The following NADK2 variants were observed in gnomAD, a reference collection of about 807,000 sequenced individuals.
The protein encoded by NADK2 is NAD kinase 2, mitochondrial, also known as NAD kinase domain-containing protein 1, mitochondrial.
NADK2 carries 35 observed loss-of-function variants against 62.1 expected under a neutral mutation model. The ratio of observed to expected loss-of-function variants is 0.56; its 90% CI spans 0.43 to 0.75. The LOEUF (loss-of-function observed/expected upper bound fraction) is 0.75. Ranked by LOEUF, NADK2 falls within the 30% of genes least tolerant of loss-of-function variation. The pLI is 0.00. For synonymous variants in NADK2, 205 were observed against 207.9 expected (o/e 0.99, Z 0.12); for missense variants, 439 against 561.3 (o/e 0.78, Z 2.20).
At position 36,241,417 on chromosome 5, in the gene NADK2, G is replaced by A. The variant is rs943263457; in HGVS notation, c.300+82C>T. The A allele has an allele frequency of 3.5e-6, 5 of 1,428,518 alleles. No homozygotes were observed. The highest frequency in any genetic ancestry group is 3.0e-5 in the African/African-American group (2 of 66,666). The allele number at this position is 1,428,518 out of a possible 1,614,324, so 88.5% of individuals were successfully genotyped here. The stretch of plus-strand genomic sequence containing the variant: ...GCGGTGCCCTGGGAAGAGTCGTCCC[G>A]AGAGGTCCCCCCGAGGGGGCGCAGC... On this transcript the variant is annotated intron_variant, in intron 1 of 11. Coordinates refer to ENST00000381937, the MANE Select transcript of NADK2 (RefSeq NM_001085411.3). This position sits in a 1 kb window ranked among gnomAD's most constrained non-coding sequence, Gnocchi z 4.9.
Position 36,241,403 on chromosome 5 carries a change from G to C in NADK2, c.300+96C>G. 7.1e-7 allele frequency: 1 copy of C among 1,399,866 alleles called. No individual in the cohort carries two copies. Among genetic ancestry groups the C allele is most frequent in the Non-Finnish European group, 9.3e-7 (1 of 1,080,122 alleles). The allele number at this position is 1,399,866 out of a possible 1,614,324, so 86.7% of individuals were successfully genotyped here. A position where few individuals can be genotyped will look rare whatever the true frequency, so the allele number is the denominator to read the frequency against. On this transcript the variant is annotated intron_variant, in intron 1 of 11. Transcript: ENST00000381937. The surrounding 1 kb of genome is among the most constrained non-coding windows in gnomAD (Gnocchi z 4.9). Reference sequence around the variant, plus strand: ...CAGGACCGGCATCTGCGGTGCCCTGGGAAGAGTCGTCCCGAGAGGTCCCCC... The same window carrying C: ...CAGGACCGGCATCTGCGGTGCCCTGCGAAGAGTCGTCCCGAGAGGTCCCCC...
At chr5:36,230,431 T>G (rs956482643) in intron 1 of NADK2, among the ~76,000 whole-genome samples, 12 of 152,250 alleles carry the variant, frequency 7.9e-5, no homozygotes, top group African/African-American at 2.9e-4. Flanking sequence ...GTTAATTCCC[T>G]TTTTTGCATT....
At chr5:36,201,222 AG>A in intron 8 of NADK2, 61 bp from the exon 9 acceptor site, 1 of 1,428,992 alleles carries the variant, frequency 7.0e-7, no homozygotes, top group Non-Finnish European at 9.8e-7. Context: ...AAAATCAAAA[AG>A]GAATAACCTA....
chr5:36,228,395 C>T (rs1047241447), intron 1 of NADK2, among the ~76,000 whole-genome samples: 52 of 152,040 alleles, frequency 3.4e-4, no homozygotes, highest in Non-Finnish European at 3.2e-4. Flanking sequence ...TTCTTTGCTC[C>T]TCCGAATTCC....
intron 4 of NADK2, among the ~76,000 whole-genome samples, chr5:36,222,652 T>C (rs1039121447): frequency 1.3e-5 from 2 of 152,170 alleles, no homozygotes; most frequent in Non-Finnish European, 2.9e-5. Flanking sequence ...TATAATCAAT[T>C]AGATCTGCAC....
rs568004801 is a variant in NADK2, at chr5:36,201,165, G to A, written c.957-4C>T. ...AACCCTGTTAATATTGAATGACCTA[G>A]AAACAAAAATCACATAATTCTTAGT... On this transcript the variant is annotated splice_region_variant and splice_polypyrimidine_tract_variant and intron_variant, in intron 8 of 11. Transcript: ENST00000381937. The A allele has an allele frequency of 5.6e-6, 9 of 1,607,974 alleles. No individual in the cohort carries two copies. In the African/African-American group the frequency reaches 6.7e-5, roughly 12 times the overall value.
chr5:36,232,172 T>C (rs1372188609), intron 1 of NADK2, among the ~76,000 whole-genome samples: 1 of 152,232 alleles, frequency 6.6e-6, no homozygotes, highest in Non-Finnish European at 1.5e-5. Context: ...CCAGATGTGA[T>C]AGTTATGCTA....
intron 6 of NADK2, among the ~76,000 whole-genome samples, 179 bp downstream of exon 6, chr5:36,217,569 A>G (rs1561065970): frequency 6.6e-6 from 1 of 152,182 alleles, no homozygotes; most frequent in Non-Finnish European, 1.5e-5. Flanking sequence ...CATTTCTAGA[A>G]ATATGCTATT....
At chr5:36,210,739 A>G (rs566301837) in intron 7 of NADK2, among the ~76,000 whole-genome samples, 3 of 152,364 alleles carry the variant, frequency 2.0e-5, no homozygotes, top group South Asian at 4.1e-4. Context: ...CAAGTAAACA[A>G]ATTATAAAAA....
At chr5:36,210,779 G>A (rs928227243) in intron 7 of NADK2, among the ~76,000 whole-genome samples, 2 of 152,140 alleles carry the variant, frequency 1.3e-5, no homozygotes, top group Non-Finnish European at 2.9e-5. Context: ...GCTTTAAGAA[G>A]CACTAATAGG....
rs1236456881 is a variant in NADK2, at chr5:36,219,697, T to A, written c.561-18A>T. The A allele has an allele frequency of 3.1e-6, 5 of 1,602,694 alleles. No homozygotes were observed. Among genetic ancestry groups the A allele is most frequent in the Non-Finnish European group, 4.3e-6 (5 of 1,172,120 alleles). On this transcript the variant is annotated intron_variant, in intron 4 of 11. Coordinates refer to ENST00000381937, the MANE Select transcript of NADK2 (RefSeq NM_001085411.3). ...CCTCAGACCTATATTTTAACAGGAA[T>A]TTTTTGGTGATATAAAGAGGAAAAG...
At chr5:36,238,363 T>TA (rs960938769) in intron 1 of NADK2, among the ~76,000 whole-genome samples, 2 of 152,182 alleles carry the variant, frequency 1.3e-5, no homozygotes, top group Non-Finnish European at 2.9e-5. Context: ...TTATGAATTT[T>TA]AAAAAACAAA....
intron 10 of NADK2, among the ~76,000 whole-genome samples, chr5:36,198,816 C>G (rs911801965): frequency 8.6e-5 from 13 of 151,598 alleles, no homozygotes; most frequent in African/African-American, 2.9e-4. Flanking sequence ...GTGAAGGAGA[C>G]CAGAATCCAT....
rs188119618 is a variant in NADK2, at chr5:36,220,245, C to T, written c.561-566G>A. Among the ~76,000 whole-genome samples, 394 of 152,288 alleles carry T rather than the reference C, an allele frequency of 2.6e-3. 2 individuals are homozygous for T. Among genetic ancestry groups the T allele is most frequent in the African/African-American group, 9.2e-3 (381 of 41,542 alleles). Reference sequence around the variant, plus strand: ...CTGAGAAAGCTTAATCCAATGTAATCCTTCATTTATTCAAAAATACATAAA... The same window carrying T: ...CTGAGAAAGCTTAATCCAATGTAATTCTTCATTTATTCAAAAATACATAAA... On this transcript the variant is annotated intron_variant, in intron 4 of 11. Coordinates refer to ENST00000381937, the MANE Select transcript of NADK2 (RefSeq NM_001085411.3).
At chr5:36,226,619 G>A (rs1747494861) in intron 2 of NADK2, 56 bp from the exon 3 acceptor site, 1 of 1,255,204 alleles carries the variant, frequency 8.0e-7, no homozygotes, top group South Asian at 1.3e-5. Context: ...TATATAACAG[G>A]GGTATGTTTT....
rs1207502202 is a variant in NADK2, at chr5:36,205,021, A to T, written c.956+2149T>A. On this transcript the variant is annotated intron_variant, in intron 8 of 11. Transcript: ENST00000381937. The surrounding 1 kb of genome is among the most constrained non-coding windows in gnomAD (Gnocchi z 4.1). ...TAAACTATACAAATTTAAAAGTTTG[A>T]TAAGCATTGTTTTAGCTATATACAA... 6.6e-6 allele frequency among the ~76,000 whole-genome samples: 1 copy of T among 152,106 alleles called. No individual in the cohort carries two copies. The highest frequency in any genetic ancestry group is 1.5e-5 in the Non-Finnish European group (1 of 68,008).
chr5:36,241,071 CGGCCAGGGGAGCTGTTCGCAG>C lies in NADK2; in HGVS notation c.300+407_300+427del, dbSNP rs1349353763. 6.6e-6 allele frequency among the ~76,000 whole-genome samples: 1 copy of C among 152,098 alleles called. No homozygotes were observed. Among genetic ancestry groups the C allele is most frequent in the Non-Finnish European group, 1.5e-5 (1 of 68,004 alleles). On this transcript the variant is annotated intron_variant, in intron 1 of 11. Transcript: ENST00000381937. This position sits in a 1 kb window ranked among gnomAD's most constrained non-coding sequence, Gnocchi z 4.9. The stretch of plus-strand genomic sequence containing the variant: ...GCGCCCTGGGCCCCCTTTCTCGCGG[CGGCCAGGGGAGCTGTTCGCAG>C]GGCGTCCAGACCTCAGGCCACTGGC...
intron 1 of NADK2, among the ~76,000 whole-genome samples, chr5:36,236,030 C>A (rs1561077813): frequency 6.6e-6 from 1 of 151,902 alleles, no homozygotes; most frequent in Non-Finnish European, 1.5e-5. Flanking sequence ...TTACACTTTA[C>A]TAGTTGAGAA....
intron 10 of NADK2, 106 bp from the exon 11 acceptor site, chr5:36,197,770 A>G: frequency 1.0e-6 from 1 of 962,160 alleles, no homozygotes; most frequent in South Asian, 2.0e-5. Context: ...TTCCAAAAGT[A>G]TATTTGGGAA....
Sources: gnomAD v4.1 joint callset for allele counts (sites outside exome capture counted in the v4.1 genomes callset) on GRCh38, gnomAD v4.1.1 for gene constraint, Gnocchi (gnomAD v3.1) non-coding constraint, MANE v1.5 for transcripts, NCBI Gene and HGNC (gene_info 2026-07-23, HGNC 2026-07-21) for gene names.